ZNF346: variants seen among roughly 807,000 people sequenced by gnomAD.
The protein encoded by ZNF346 is zinc finger protein 346.
A neutral mutation model predicts 33.7 loss-of-function variants in ZNF346; 23 were observed. The ratio of observed to expected loss-of-function variants is 0.68; its 90% CI spans 0.49 to 0.97. The LOEUF (loss-of-function observed/expected upper bound fraction) is 0.97. Ranked by LOEUF, ZNF346 falls within the 50% of genes least tolerant of loss-of-function variation. The pLI is 0.00. For synonymous variants in ZNF346, 134 were observed against 142.4 expected, an observed-to-expected ratio of 0.94 and a Z score of 0.42; for missense variants, 340 against 371.1, an observed-to-expected ratio of 0.92 and a Z score of 0.69.
intron 1 of ZNF346, among the ~76,000 whole-genome samples, chr5:177,025,277 G>A (rs1256177409): frequency 6.6e-6 from 1 of 152,182 alleles, no homozygotes; most frequent in Non-Finnish European, 1.5e-5. Flanking sequence ...TCCATTGAAT[G>A]AATATAACAC....
intron 4 of ZNF346, among the ~76,000 whole-genome samples, chr5:177,045,721 C>A (rs1394675260): frequency 6.6e-6 from 1 of 151,816 alleles, no homozygotes. Context: ...GAACTCCTGG[C>A]CTTAAGTGAT....
intron 1 of ZNF346, among the ~76,000 whole-genome samples, chr5:177,034,494 T>C (rs1409405239): frequency 6.6e-6 from 1 of 152,200 alleles, no homozygotes; most frequent in Non-Finnish European, 1.5e-5. Flanking sequence ...CCCAAAGTGC[T>C]GGGATTATAG....
intron 5 of ZNF346, among the ~76,000 whole-genome samples, chr5:177,055,619 C>T (rs1781567740): frequency 6.6e-6 from 1 of 152,062 alleles, no homozygotes; most frequent in Non-Finnish European, 1.5e-5. Context: ...GTATCTCCCC[C>T]TGCCTCAGAA....
chr5:177,050,874 C>A lies in ZNF346; in HGVS notation c.641C>A (p.Thr214Asn). 6.2e-7 allele frequency: 1 copy of A among 1,614,192 alleles called. No homozygotes were observed. The highest frequency in any genetic ancestry group is 8.5e-7 in the Non-Finnish European group (1 of 1,180,038). ...GGCAAGAAACACAGAAAACAGGAGACCAAGCTCAAACTAATGGCACGCTAT... is the reference window on the plus strand; with the variant it reads ...GGCAAGAAACACAGAAAACAGGAGAACAAGCTCAAACTAATGGCACGCTAT... ...YVGKKHRKQETKLKLMARYGR... is the reference protein window; with the variant it reads ...YVGKKHRKQENKLKLMARYGR... Residue 214 changes from threonine (T) to asparagine (N), a missense_variant, in exon 5 of 7, where the codon ACC becomes AAC. Physicochemically the swap from Thr to Asn is moderately conservative, Grantham distance 65. Coordinates refer to ENST00000358149, the MANE Select transcript of ZNF346 (RefSeq NM_012279.4).
At position 177,032,486 on chromosome 5, in the gene ZNF346, C is replaced by T. The variant is rs1436312275; in HGVS notation, c.176-8640C>T. Among the ~76,000 whole-genome samples, 3 of 151,960 alleles carry T rather than the reference C, an allele frequency of 2.0e-5. No individual in the cohort carries two copies. The East Asian group carries it at 5.8e-4, about 29-fold the overall frequency. ...AGTGCAATGGCACAATCTCAGTTCA[C>T]TGCAACCTCCACCTCCTGGGTTCAA... On this transcript the variant is annotated intron_variant, in intron 1 of 6. Transcript: ENST00000358149.
In ZNF346 at chr5:177,022,905, G is replaced by A; in HGVS notation, c.167G>A (p.Arg56Lys). ...GTGTCCGGTGCCCAGCCGGTGGGTAGAGAGGAAGGTGAGTCGGGGGCTTTG... is the reference window on the plus strand; with the variant it reads ...GTGTCCGGTGCCCAGCCGGTGGGTAAAGAGGAAGGTGAGTCGGGGGCTTTG... ...EAVSGAQPVG[R>K]EEVEHMIQKN... The change falls in exon 1 of 7, where the codon AGA (arginine) becomes AAA (lysine). Residue 56 changes from arginine (R) to lysine (K), a missense_variant. Transcript: ENST00000358149. The A allele has an allele frequency of 6.7e-7, 1 of 1,483,186 alleles. No individual in the cohort carries two copies. Among genetic ancestry groups the A allele is most frequent in the Non-Finnish European group, 9.0e-7 (1 of 1,116,560 alleles). 91.9% of individuals were successfully genotyped at this position (1,483,186 alleles called of 1,614,324 possible).
chr5:177,028,907 G>A (rs556169047), intron 1 of ZNF346, among the ~76,000 whole-genome samples: 12 of 151,570 alleles, frequency 7.9e-5, no homozygotes, highest in Admixed American at 5.9e-4. Context: ...TTTTAGTAGA[G>A]ACGGGGTTTC....
intron 1 of ZNF346, among the ~76,000 whole-genome samples, chr5:177,031,570 G>C (rs1777706007): frequency 6.6e-6 from 1 of 152,126 alleles, no homozygotes; most frequent in Non-Finnish European, 1.5e-5. Flanking sequence ...ATGTGTCTAG[G>C]TGTAGCTCTC....
At chr5:177,045,237 T>A (rs1779872628) in intron 4 of ZNF346, among the ~76,000 whole-genome samples, 1 of 152,202 alleles carries the variant, frequency 6.6e-6, no homozygotes, top group African/African-American at 2.4e-5. Context: ...TTCTTGATAA[T>A]TTTTGCTTCT....
rs551092738 is a variant in ZNF346, at chr5:177,064,751, G to A, written c.*152G>A. On this transcript the variant is annotated 3_prime_UTR_variant, in exon 7 of 7. Coordinates refer to ENST00000358149, the MANE Select transcript of ZNF346 (RefSeq NM_012279.4). ...GCCACAGACAGCCTCTCATTGGTCC[G>A]GGCTAATTCACTCCTGCTGCTCCCC... 30 of 648,768 alleles carry A rather than the reference G, an allele frequency of 4.6e-5. No individual in the cohort carries two copies. Among genetic ancestry groups the A allele is most frequent in the South Asian group, 3.1e-4 (17 of 54,562 alleles). The allele number at this position is 648,768 out of a possible 1,614,324, so 40.2% of individuals were successfully genotyped here. A position where few individuals can be genotyped will look rare whatever the true frequency, so the allele number is the denominator to read the frequency against.
At chr5:177,029,202 C>T (rs907744697) in intron 1 of ZNF346, among the ~76,000 whole-genome samples, 6 of 152,210 alleles carry the variant, frequency 3.9e-5, no homozygotes, top group African/African-American at 1.4e-4. Context: ...AATTGATCAC[C>T]GATAGCCAGT....
intron 1 of ZNF346, among the ~76,000 whole-genome samples, chr5:177,040,261 CTG>C (rs1347298657): frequency 6.6e-6 from 1 of 151,900 alleles, no homozygotes; most frequent in African/African-American, 2.4e-5. Context: ...AAAGGTAAGA[CTG>C]TTCTCCAGGC....
At chr5:177,030,996 C>A (rs1262280256) in intron 1 of ZNF346, among the ~76,000 whole-genome samples, 2 of 149,330 alleles carry the variant, frequency 1.3e-5, no homozygotes, top group Admixed American at 1.3e-4. Context: ...TCTAGGCTCA[C>A]TGCACCCTCT....
rs144549796 is a variant in ZNF346, at chr5:177,026,208, T to C, written c.175+3295T>C. Reference sequence around the variant, plus strand: ...TTAGTAGAGATGGGGTTTCACCACGTTGGCCAGGCTGGTCTCAAACTCCTG... The same window carrying C: ...TTAGTAGAGATGGGGTTTCACCACGCTGGCCAGGCTGGTCTCAAACTCCTG... On this transcript the variant is annotated intron_variant, in intron 1 of 6. Transcript: ENST00000358149. 5.3e-3 allele frequency among the ~76,000 whole-genome samples: 805 copies of C among 152,106 alleles called. 10 individuals are homozygous for C. The highest frequency in any genetic ancestry group is 0.016 in the African/African-American group (662 of 41,472).
rs542536128 is a variant in ZNF346 at position 177,035,991 on chromosome 5, C to T, written c.176-5135C>T. ...TTTTTTTTCCCTCTGTGGGCCTTAG[C>T]TTCCTCCAACCTCATAAACCTCTCA... On this transcript the variant is annotated intron_variant, in intron 1 of 6. Transcript: ENST00000358149. Among the ~76,000 whole-genome samples, 45 of 151,196 alleles carry T rather than the reference C, an allele frequency of 3.0e-4. 1 individual carries two copies. Among genetic ancestry groups the T allele is most frequent in the African/African-American group, 1.1e-3 (44 of 41,106 alleles).
chr5:177,079,020 C>T (rs1380816266), intron 8 of ZNF346, among the ~76,000 whole-genome samples: 1 of 152,046 alleles, frequency 6.6e-6, no homozygotes, highest in Non-Finnish European at 1.5e-5. Context: ...CCTATAATCC[C>T]AGCACTTTGG....
At chr5:177,031,579 T>G (rs1012867967) in intron 1 of ZNF346, among the ~76,000 whole-genome samples, 1 of 152,238 alleles carries the variant, frequency 6.6e-6, no homozygotes, top group African/African-American at 2.4e-5. Context: ...GGTGTAGCTC[T>G]CTTCACATTT....
intron 8 of ZNF346, among the ~76,000 whole-genome samples, chr5:177,075,417 AC>A (rs1471452008): frequency 6.6e-6 from 1 of 151,276 alleles, no homozygotes; most frequent in African/African-American, 2.4e-5. Context: ...AAACAAACAA[AC>A]AAAAAAATCT....
rs34021834 is a variant in ZNF346 at position 177,031,998 on chromosome 5, CTTTTTTTTTTTTT to C, written c.175+9099_176-9102del. ...GCTTTCTTCATGCCTTTTCTTTTTT[CTTTTTTTTTTTTT>C]TTTTTTTTTTTTTGAGATGGATTTT... On this transcript the variant is annotated intron_variant, in intron 1 of 6. Transcript: ENST00000358149. 8.8e-5 allele frequency among the ~76,000 whole-genome samples: 6 copies of C among 67,846 alleles called. No individual in the cohort carries two copies. In the East Asian group the frequency reaches 3.0e-3, roughly 34 times the overall value. The allele number at this position is 67,846 out of a possible 152,430, so 44.5% of individuals were successfully genotyped here.
Sources: gnomAD v4.1 joint callset for allele counts (sites outside exome capture counted in the v4.1 genomes callset) on GRCh38, gnomAD v4.1.1 for gene constraint, MANE v1.5 for transcripts, NCBI Gene and HGNC (gene_info 2026-07-23, HGNC 2026-07-21) for gene names.